The following CDH18 variants were observed in gnomAD, a reference collection of about 807,000 sequenced individuals.
The protein encoded by CDH18 is cadherin 18.
In CDH18, 31 loss-of-function variants were observed where a neutral mutation model predicts 67.9. The ratio of observed to expected loss-of-function variants is 0.46; its 90% CI spans 0.34 to 0.62. The LOEUF is 0.62. Ranked by LOEUF, CDH18 falls within the 20% of genes least tolerant of loss-of-function variation. The pLI, the probability that CDH18 is intolerant of heterozygous loss-of-function variation, is 0.01. For synonymous variants in CDH18, 362 were observed against 347.2 expected (o/e 1.04, Z -0.48); for missense variants, 890 against 975.5 (o/e 0.91, Z 1.17).
At chr5:19,673,344 T>G (rs78289812) in intron 5 of CDH18, among the ~76,000 whole-genome samples, 6,445 of 152,108 alleles carry the variant, frequency 0.042, 403 homozygotes, top group African/African-American at 0.14. Context: ...AGCTATTTAT[T>G]TTAGCAAATA....
At chr5:19,723,064 G>C (rs1375886052) in intron 4 of CDH18, among the ~76,000 whole-genome samples, 1 of 151,510 alleles carries the variant, frequency 6.6e-6, no homozygotes, top group Non-Finnish European at 1.5e-5. Context: ...ATTTTTTTTT[G>C]TTAACACACA....
chr5:19,625,289 G>A (rs1442404818), intron 5 of CDH18, among the ~76,000 whole-genome samples: 2 of 151,482 alleles, frequency 1.3e-5, no homozygotes, highest in African/African-American at 2.4e-5. Context: ...TTATTTTCAT[G>A]CAAATTTAAT....
At chr5:19,756,062 G>C (rs1771562939) in intron 3 of CDH18, among the ~76,000 whole-genome samples, 1 of 152,046 alleles carries the variant, frequency 6.6e-6, no homozygotes, top group Non-Finnish European at 1.5e-5. Context: ...CATCTCCTGA[G>C]ATCATGCATA....
chr5:20,244,869 G>A (rs1743257360), intron 2 of CDH18, among the ~76,000 whole-genome samples: 1 of 152,080 alleles, frequency 6.6e-6, no homozygotes, highest in Admixed American at 6.6e-5. Context: ...AGGAAAGAGA[G>A]AGAAAGAAAC....
chr5:19,610,798 C>T (rs1748826981), intron 6 of CDH18, among the ~76,000 whole-genome samples: 1 of 152,014 alleles, frequency 6.6e-6, no homozygotes, highest in African/African-American at 2.4e-5. Context: ...TAAGTGATAA[C>T]ATTGATACAA....
chr5:20,489,086 C>T (rs182077052), intron 1 of CDH18, among the ~76,000 whole-genome samples: 73 of 152,138 alleles, frequency 4.8e-4, no homozygotes, highest in Middle Eastern at 6.8e-3. Context: ...ATTTTCATAT[C>T]TCTATTACAT....
intron 2 of CDH18, among the ~76,000 whole-genome samples, chr5:20,156,058 C>T (rs962877891): frequency 1.3e-5 from 2 of 152,002 alleles, no homozygotes; most frequent in African/African-American, 4.8e-5. Flanking sequence ...GTCAGAATGG[C>T]TATTATTAAA....
intron 5 of CDH18, among the ~76,000 whole-genome samples, chr5:19,679,398 C>T (rs1180818869): frequency 2.0e-5 from 3 of 151,958 alleles, no homozygotes; most frequent in Admixed American, 6.6e-5. Context: ...CAGGACAAGA[C>T]AAGCATGCCT....
At chr5:20,545,270 T>C (rs1354769273) in intron 1 of CDH18, among the ~76,000 whole-genome samples, 2 of 152,142 alleles carry the variant, frequency 1.3e-5, no homozygotes, top group Non-Finnish European at 2.9e-5. Context: ...CAAGTTGTCA[T>C]TGGATATACA....
At chr5:20,351,614 G>A (rs1741192746) in intron 1 of CDH18, among the ~76,000 whole-genome samples, 1 of 151,052 alleles carries the variant, frequency 6.6e-6, no homozygotes, top group Non-Finnish European at 1.5e-5. Flanking sequence ...ACCAGCTGAT[G>A]TAGGAAAATA....
At chr5:20,055,462 T>C (rs950634083) in intron 2 of CDH18, among the ~76,000 whole-genome samples, 17 of 152,202 alleles carry the variant, frequency 1.1e-4, no homozygotes, top group Admixed American at 2.6e-4. Context: ...TTTTTGCCAA[T>C]AGGCAAGTGA....
intron 6 of CDH18, among the ~76,000 whole-genome samples, chr5:19,601,925 T>C (rs573875865): frequency 2.7e-4 from 41 of 152,052 alleles, no homozygotes; most frequent in Admixed American, 7.8e-4. Flanking sequence ...AAACATAAAA[T>C]AGAACTATAA....
In CDH18 at chr5:20,283,866, A is replaced by G. The variant is rs116769850; in HGVS notation, c.-579-28361T>C. 1.0e-3 allele frequency among the ~76,000 whole-genome samples: 156 copies of G among 152,170 alleles called. 1 individual carries two copies. Among genetic ancestry groups the G allele is most frequent in the African/African-American group, 3.6e-3 (150 of 41,550 alleles). On this transcript the variant is annotated intron_variant, in intron 1 of 14. Coordinates refer to the CDH18 transcript ENST00000507958. ...GGAAGCAAATTAAATTTCCATTGACATAAATCAAGAAAATGTGGTACATAT... is the reference window on the plus strand; with the variant it reads ...GGAAGCAAATTAAATTTCCATTGACGTAAATCAAGAAAATGTGGTACATAT...
chr5:19,857,273 C>A (rs959996270), intron 2 of CDH18, among the ~76,000 whole-genome samples: 35 of 150,752 alleles, frequency 2.3e-4, no homozygotes, highest in Non-Finnish European at 4.1e-4. Flanking sequence ...AAAGTTGAAG[C>A]AATGATTTCT....
chr5:20,460,218 C>A (rs532593408), intron 1 of CDH18, among the ~76,000 whole-genome samples: 1 of 151,932 alleles, frequency 6.6e-6, no homozygotes, highest in South Asian at 2.1e-4. Flanking sequence ...TGTGGTGAAA[C>A]CTGTCTCTAC....
intron 1 of CDH18, among the ~76,000 whole-genome samples, chr5:20,321,769 GAAAGC>G (rs1218049083): frequency 6.6e-6 from 1 of 151,822 alleles, no homozygotes; most frequent in Non-Finnish European, 1.5e-5. Flanking sequence ...TACATCCAAA[GAAAGC>G]AAAGCAAAGA....
intron 1 of CDH18, among the ~76,000 whole-genome samples, chr5:20,482,563 A>G (rs74413675): frequency 0.03 from 4,623 of 152,240 alleles, 84 homozygotes; most frequent in Non-Finnish European, 0.043. Flanking sequence ...TACAGTAAAA[A>G]GATAATTTAT....
At chr5:20,112,029 T>C (rs1406605650) in intron 2 of CDH18, among the ~76,000 whole-genome samples, 1 of 152,204 alleles carries the variant, frequency 6.6e-6, no homozygotes, top group East Asian at 1.9e-4. Flanking sequence ...GTAGAAAATA[T>C]GCTTAGGTCA....
At chr5:20,017,132 G>C (rs1372598199) in intron 2 of CDH18, among the ~76,000 whole-genome samples, 4 of 152,066 alleles carry the variant, frequency 2.6e-5, no homozygotes, top group Non-Finnish European at 1.5e-5. Flanking sequence ...TACATTTTCA[G>C]TTAGTATGCT....
Sources: gnomAD v4.1 joint callset for allele counts (sites outside exome capture counted in the v4.1 genomes callset) on GRCh38, gnomAD v4.1.1 for gene constraint, MANE v1.5 for transcripts, NCBI Gene and HGNC (gene_info 2026-07-23, HGNC 2026-07-21) for gene names.